IQSEC2: variants seen among roughly 807,000 people sequenced by gnomAD.
IQSEC2 encodes IQ motif and SEC7 domain-containing protein 2.
Under a neutral mutation model 74.6 loss-of-function variants are expected in IQSEC2, and 6 were observed. That is an observed-to-expected ratio of 0.08 (90% confidence interval 0.04 to 0.16). IQSEC2 has a LOEUF of 0.16. IQSEC2 is among the 10% of genes least tolerant of loss of function. The pLI is 1.00. For synonymous variants in IQSEC2, 494 were observed against 544.5 expected (o/e 0.91, Z 1.29); for missense variants, 734 against 1,306.2 (o/e 0.56, Z 6.75).
intron 2 of IQSEC2, among the ~76,000 whole-genome samples, chrX:53,276,862 C>T (rs985257641): frequency 8.9e-6 from 1 of 112,257 alleles, no homozygotes; most frequent in Non-Finnish European, 1.9e-5. Flanking sequence ...TATCTTAATA[C>T]AATAAATTAC....
downstream of IQSEC2, chrX:53,230,352 G>A (rs1212327396): frequency 1.8e-5 from 2 of 112,806 alleles, no homozygotes; most frequent in Non-Finnish European, 3.7e-5. Flanking sequence ...TACACTGTCT[G>A]ACGTGGCAGC....
Position 53,234,709 on chromosome X carries a change from C to T in IQSEC2, c.3977G>A (p.Gly1326Asp). 8.8e-7 allele frequency: 1 copy of T among 1,135,079 alleles called. No homozygotes were observed. The highest frequency in any genetic ancestry group is 1.2e-6 in the Non-Finnish European group (1 of 857,195). The allele number at this position is 1,135,079 out of a possible 1,213,427, so 93.5% of individuals were successfully genotyped here. A position where few individuals can be genotyped will look rare whatever the true frequency, so the allele number is the denominator to read the frequency against. Residue 1326 changes from glycine to aspartate, a missense_variant, in exon 15 of 15, where the codon GGC becomes GAC. By Grantham distance (94) the Gly-to-Asp change is moderately conservative (BLOSUM62 -1). Coordinates refer to ENST00000642864, the MANE Select transcript of IQSEC2 (RefSeq NM_001111125.3). ...VGPHRHFHAHGPVPGPQHYTL... is the reference protein window; with the variant it reads ...VGPHRHFHAHDPVPGPQHYTL... ...ATAGTGTTGGGGCCCTGGGACTGGG[C>T]CATGGGCGTGGAAGTGGCGATGTGG...
At chrX:53,290,825 C>T (rs2075092031) in intron 2 of IQSEC2, among the ~76,000 whole-genome samples, 1 of 112,081 alleles carries the variant, frequency 8.9e-6, no homozygotes, top group South Asian at 3.7e-4. Flanking sequence ...GCCTGAATGA[C>T]AGGACCAGGG....
At chrX:53,279,499 G>T in intron 2 of IQSEC2, 1 of 679,567 alleles carries the variant, frequency 1.5e-6, no homozygotes, top group East Asian at 3.3e-5. Context: ...GGAGGGGCTG[G>T]CAATGACACT....
chrX:53,234,910 T>C lies in IQSEC2; in HGVS notation c.3776A>G (p.Asp1259Gly), dbSNP rs2074102704. Residue 1259 changes from aspartate (D) to glycine (G), a missense_variant, in exon 15 of 15, where the codon GAT (aspartate) becomes GGT (glycine). Asp to Gly is a moderately conservative substitution (Grantham distance 94, BLOSUM62 -1). This residue lies in a region of IQSEC2 where 249 missense variants were observed against 467.9 expected (regional missense o/e 0.53). Coordinates refer to ENST00000642864, the MANE Select transcript of IQSEC2 (RefSeq NM_001111125.3). ...HSHGGLGVLP[D>G]GQSKLQALHA... ...CAGGGCCTGGAGCTTGGACTGCCCA[T>C]CAGGCAGCACCCCCAGGCCACCGTG... 1 of 1,164,696 alleles carries C rather than the reference T, an allele frequency of 8.6e-7. No individual in the cohort carries two copies. The highest frequency in any genetic ancestry group is 2.6e-5 in the Admixed American group (1 of 38,519).
chrX:53,233,827 C>T lies in IQSEC2; in HGVS notation c.*392G>A, dbSNP rs1487448574. ...AGGGAAGCCTTCACCCCGACAGCTC[C>T]GGACACCTGCCCTTCTCCGCCAGCC... On this transcript the variant is annotated 3_prime_UTR_variant, in exon 15 of 15. Coordinates refer to ENST00000642864, the MANE Select transcript of IQSEC2 (RefSeq NM_001111125.3). 21 of 296,432 alleles carry T rather than the reference C, an allele frequency of 7.1e-5. No individual in the cohort carries two copies. The highest frequency in any genetic ancestry group is 1.0e-4 in the Non-Finnish European group (17 of 170,267). 24.4% of individuals were successfully genotyped at this position (296,432 alleles called of 1,213,427 possible). A position where few individuals can be genotyped will look rare whatever the true frequency, so the allele number is the denominator to read the frequency against.
At chrX:53,319,764 G>C (rs5978127) in intron 1 of IQSEC2, among the ~76,000 whole-genome samples, 2,626 of 111,156 alleles carry the variant, frequency 0.024, 77 homozygotes, top group African/African-American at 0.082. Flanking sequence ...TCTTTAAATG[G>C]GTGTTGTTTT....
intron 2 of IQSEC2, among the ~76,000 whole-genome samples, chrX:53,274,480 G>A (rs868931780): frequency 1.2e-3 from 1 of 806 alleles, no homozygotes; most frequent in African/African-American, 2.7e-3. Flanking sequence ...TTTTTTTTTT[G>A]AGACGGAGTC....
At chrX:53,235,957 C>CT in intron 13 of IQSEC2, 125 bp from the exon 14 acceptor site, 3 of 652,826 alleles carry the variant, frequency 4.6e-6, no homozygotes, top group Non-Finnish European at 6.9e-6. Context: ...CCCTTTCCCC[C>CT]ATTGAAGAGG....
intron 4 of IQSEC2, among the ~76,000 whole-genome samples, chrX:53,252,391 A>C (rs1188467718): frequency 8.7e-5 from 9 of 103,252 alleles, no homozygotes; most frequent in Non-Finnish European, 1.2e-4. Context: ...AAAAAAAAAA[A>C]CTGCAAAACA....
chrX:53,297,676 G>C (rs782521046), intron 1 of IQSEC2, among the ~76,000 whole-genome samples: 2 of 111,327 alleles, frequency 1.8e-5, no homozygotes, highest in Non-Finnish European at 3.8e-5. Flanking sequence ...TCATACAAAT[G>C]ATCAATTCTC....
At chrX:53,285,225 G>C (rs1266591921) in intron 2 of IQSEC2, among the ~76,000 whole-genome samples, 1 of 111,479 alleles carries the variant, frequency 9.0e-6, no homozygotes, top group Non-Finnish European at 1.9e-5. Context: ...ATATTTCCGT[G>C]GTGCTCCCAC....
At position 53,236,428 on chromosome X, in the gene IQSEC2, T is replaced by C; in HGVS notation, c.3345A>G (p.Ser1115=). The change falls in exon 13 of 15, where the codon TCA becomes TCG. Residue 1115 remains serine (S), a synonymous_variant. Transcript: ENST00000642864. ...TACTGCGGGCCATCGTCCCATTCAC[T>C]GAGTCCTTGGCCCCTCCAGGCTGTG... The part of the protein sequence containing the change: ...NASQPGGAKD[S]VNGTMARSSL... 6 of 1,205,160 alleles carry C rather than the reference T, an allele frequency of 5.0e-6. No homozygotes were observed. The highest frequency in any genetic ancestry group is 6.7e-6 in the Non-Finnish European group (6 of 891,923).
intron 2 of IQSEC2, among the ~76,000 whole-genome samples, chrX:53,260,523 A>G (rs782606887): frequency 9.0e-5 from 10 of 111,410 alleles, no homozygotes; most frequent in East Asian, 2.8e-4. Flanking sequence ...ATAACCTTCA[A>G]CTTCCTCACT....
chrX:53,320,060 G>T (rs1448394439), intron 1 of IQSEC2, among the ~76,000 whole-genome samples: 7 of 110,781 alleles, frequency 6.3e-5, no homozygotes, highest in African/African-American at 2.3e-4. Flanking sequence ...CACCCTCGCC[G>T]ACCATAAAAA....
At chrX:53,237,351 C>A (rs1284241467) in intron 12 of IQSEC2, 1 of 111,881 alleles carries the variant, frequency 8.9e-6, no homozygotes, top group Non-Finnish European at 1.9e-5. Flanking sequence ...CTCAAAGGAT[C>A]TGGTGAACTG....
chrX:53,241,170 A>G (rs1228473362), intron 10 of IQSEC2, among the ~76,000 whole-genome samples: 1 of 111,065 alleles, frequency 9.0e-6, no homozygotes, highest in Non-Finnish European at 1.9e-5. Flanking sequence ...CAGTGGTGCG[A>G]TCACAGCACA....
chrX:53,299,625 T>C (rs781857434), intron 1 of IQSEC2, among the ~76,000 whole-genome samples: 3 of 112,002 alleles, frequency 2.7e-5, no homozygotes, highest in Non-Finnish European at 3.8e-5. Flanking sequence ...TCCTCCACTG[T>C]ACTTGGTGAC....
At chrX:53,259,349 C>CA (rs1460083674) in intron 2 of IQSEC2, among the ~76,000 whole-genome samples, 1 of 103,727 alleles carries the variant, frequency 9.6e-6, no homozygotes, top group Non-Finnish European at 2.0e-5. Flanking sequence ...ACCAAAAATA[C>CA]AAAAAATTAG....
Sources: gnomAD v4.1 joint callset for allele counts (sites outside exome capture counted in the v4.1 genomes callset) on GRCh38, gnomAD v4.1.1 for gene constraint, gnomAD v4.1.1 regional missense constraint, MANE v1.5 for transcripts, NCBI Gene and HGNC (gene_info 2026-07-23, HGNC 2026-07-21) for gene names.